Variants in SP140 observed in about 807,000 individuals in gnomAD.
SP140 encodes the protein nuclear body protein SP140.
SP140 carries 81 observed loss-of-function variants against 125.0 expected under a neutral mutation model. The observed-to-expected ratio is 0.65, with a 90% confidence interval of 0.54 to 0.78. The LOEUF is 0.78. Among genes scored for constraint, SP140 ranks in the 30% least tolerant of loss-of-function variants. The probability of loss-of-function intolerance (pLI) is 0.00; values close to 1 mark genes in which losing one functional copy is unlikely to be tolerated. For synonymous variants in SP140, 312 were observed against 354.0 expected (o/e 0.88, Z 1.33); for missense variants, 858 against 1,037.0 (o/e 0.83, Z 2.37).
At chr2:230,226,551 G>A (rs2149012530) in intron 1 of SP140, among the ~76,000 whole-genome samples, 1 of 152,160 alleles carries the variant, frequency 6.6e-6, no homozygotes, top group Admixed American at 6.5e-5. Flanking sequence ...TTTAAAAAAT[G>A]TAAGACAATG....
At chr2:230,190,345 ATT>A in the SP140 span, among the ~76,000 whole-genome samples, 98,594 of 151,198 alleles carry the variant, frequency 0.65, 32,262 homozygotes, top group African/African-American at 0.71. Context: ...GGCTACGTAA[ATT>A]TTTTTTTTTT....
At chr2:230,215,266 G>T in intron 3 of SP140, 1 of 674,682 alleles carries the variant, frequency 1.5e-6, no homozygotes, top group East Asian at 2.7e-5. Flanking sequence ...CTCTAAGGTA[G>T]AGCGGTCACA....
intron 1 of SP140, among the ~76,000 whole-genome samples, chr2:230,233,341 C>G (rs1189987393): frequency 6.6e-6 from 1 of 151,990 alleles, no homozygotes; most frequent in Non-Finnish European, 1.5e-5. Context: ...ACCAAGATAT[C>G]GCACCACTGC....
At chr2:230,212,459 T>C in intron 1 of SP140, 1 of 1,502,964 alleles carries the variant, frequency 6.7e-7, no homozygotes. Flanking sequence ...TTATTACAGA[T>C]TGCAGGGACT....
intron 1 of SP140, among the ~76,000 whole-genome samples, chr2:230,204,600 CTTTCATTTTTT>C (rs2043551275): frequency 1.3e-5 from 2 of 151,828 alleles, no homozygotes; most frequent in African/African-American, 4.8e-5. Context: ...AGTATGGTTT[CTTTCATTTTTT>C]TTTCATTAAA....
chr2:230,312,484 ACT>A, intron 26 of SP140, 100 bp from the exon 27 acceptor site: 1 of 679,866 alleles, frequency 1.5e-6, no homozygotes, highest in Non-Finnish European at 2.5e-6. Flanking sequence ...GACTTACAGT[ACT>A]TTTTTTTTTA....
At chr2:230,280,528 T>G (rs1283519197) in intron 15 of SP140, among the ~76,000 whole-genome samples, 1 of 152,198 alleles carries the variant, frequency 6.6e-6, no homozygotes, top group Non-Finnish European at 1.5e-5. Context: ...TGTGGTATTG[T>G]TGACCATTCT....
intron 12 of SP140, among the ~76,000 whole-genome samples, chr2:230,264,977 T>A (rs1212084291): frequency 1.3e-5 from 2 of 152,148 alleles, no homozygotes; most frequent in East Asian, 3.9e-4. Context: ...CCAGAGAGCA[T>A]CAGCTGTGGT....
intron 22 of SP140, among the ~76,000 whole-genome samples, chr2:230,298,973 A>G (rs1395874907): frequency 6.6e-6 from 1 of 152,078 alleles, no homozygotes; most frequent in East Asian, 1.9e-4. Context: ...CATTTTATAT[A>G]CTCTCCTGAG....
chr2:230,224,117 T>A (rs1279988456), upstream of SP140, among the ~76,000 whole-genome samples: 1 of 152,214 alleles, frequency 6.6e-6, no homozygotes, highest in Non-Finnish European at 1.5e-5. Context: ...GGCTAATGCA[T>A]GGTGTTGCAA....
At chr2:230,194,001 G>C in the SP140 span, among the ~76,000 whole-genome samples, 3 of 152,292 alleles carry the variant, frequency 2.0e-5, no homozygotes, top group East Asian at 1.9e-4. Flanking sequence ...AAATGACAGA[G>C]AGTATGTTTC....
intron 12 of SP140, among the ~76,000 whole-genome samples, chr2:230,264,404 T>C (rs999077807): frequency 3.3e-5 from 5 of 152,210 alleles, no homozygotes; most frequent in African/African-American, 7.2e-5. Context: ...TTTCCTTGCA[T>C]TGGGCTTTGC....
At chr2:230,290,099 A>G (rs969128287) in intron 18 of SP140, among the ~76,000 whole-genome samples, 14 of 152,098 alleles carry the variant, frequency 9.2e-5, no homozygotes, top group Admixed American at 4.6e-4. Context: ...ATCTAAGGCT[A>G]CCCACCTGCA....
intron 23 of SP140, chr2:230,310,506 T>C: frequency 5.7e-6 from 5 of 880,420 alleles, no homozygotes; most frequent in Non-Finnish European, 8.6e-6. Flanking sequence ...GAAAGGAGAG[T>C]CCACACTCAC....
chr2:230,233,250 A>G (rs1163144295), intron 1 of SP140, among the ~76,000 whole-genome samples: 5 of 152,150 alleles, frequency 3.3e-5, no homozygotes, highest in Non-Finnish European at 1.5e-5. Context: ...TCAAATTTAT[A>G]ACTATATCAT....
chr2:230,294,484 T>C (rs894087963), intron 21 of SP140, among the ~76,000 whole-genome samples, 166 bp downstream of exon 21: 3 of 152,208 alleles, frequency 2.0e-5, no homozygotes, highest in African/African-American at 7.2e-5. Flanking sequence ...AGTCGCTAAT[T>C]TGAACACTAA....
At chr2:230,221,693 C>T (rs2045834766), upstream of SP140, 1 of 1,535,880 alleles carries the variant, frequency 6.5e-7, no homozygotes, top group Non-Finnish European at 8.7e-7. Flanking sequence ...GCAAATGTCA[C>T]ATGTCACTTA....
intron 19 of SP140, among the ~76,000 whole-genome samples, chr2:230,291,369 A>G (rs932830062): frequency 2.0e-5 from 3 of 152,210 alleles, no homozygotes; most frequent in Non-Finnish European, 2.9e-5. Context: ...AGCCATCATT[A>G]TCCTCTAATT....
chr2:230,270,794 T>C lies in SP140; in HGVS notation c.1498+155T>C, dbSNP rs555044573. ...CCTAAGATGTCTACCTCCTAATCCC[T>C]GGACCTGTAATCTGCTATCTTACAT... On this transcript the variant is annotated intron_variant, in intron 15 of 26. Coordinates refer to ENST00000392045, the MANE Select transcript of SP140 (RefSeq NM_007237.5). 3.7e-4 allele frequency: 275 copies of C among 734,942 alleles called. 3 individuals are homozygous for C. The South Asian group carries it at 3.9e-3, about 11-fold the overall frequency. 45.5% of individuals were successfully genotyped at this position (734,942 alleles called of 1,614,324 possible). A position where few individuals can be genotyped will look rare whatever the true frequency, so the allele number is the denominator to read the frequency against.
Sources: gnomAD v4.1 joint callset for allele counts (sites outside exome capture counted in the v4.1 genomes callset) on GRCh38, gnomAD v4.1.1 for gene constraint, MANE v1.5 for transcripts, NCBI Gene and HGNC (gene_info 2026-07-23, HGNC 2026-07-21) for gene names.